The following MEIS2 variants were observed in gnomAD, a reference collection of about 807,000 sequenced individuals.
The protein encoded by MEIS2 is Meis homeobox 2, also known as homeobox protein Meis2.
Under a neutral mutation model 58.6 loss-of-function variants are expected in MEIS2, and 9 were observed. The observed-to-expected ratio is 0.15, with a 90% CI of 0.09 to 0.27. The LOEUF (loss-of-function observed/expected upper bound fraction) is 0.27. Ranked by LOEUF, MEIS2 falls within the 10% of genes least tolerant of loss-of-function variation. MEIS2 has a pLI of 1.00. For missense variants in MEIS2, 427 were observed against 635.0 expected (o/e 0.67, Z 3.52); for synonymous variants, 221 against 228.4 (o/e 0.97, Z 0.29).
intron 8 of MEIS2, among the ~76,000 whole-genome samples, chr15:37,032,399 G>C (rs1484843305): frequency 6.6e-6 from 1 of 152,162 alleles, no homozygotes; most frequent in Non-Finnish European, 1.5e-5. Context: ...ACGTCAGCCT[G>C]GGTATTATTG....
chr15:36,997,238 A>G (rs57052872), intron 8 of MEIS2, among the ~76,000 whole-genome samples: 14,051 of 152,220 alleles, frequency 0.092, 2,179 homozygotes, highest in African/African-American at 0.32. Flanking sequence ...AATGAAACTC[A>G]GCTAATGGCT....
intron 8 of MEIS2, among the ~76,000 whole-genome samples, chr15:36,988,543 C>A (rs952124059): frequency 1.8e-4 from 27 of 152,074 alleles, no homozygotes; most frequent in African/African-American, 6.5e-4. Flanking sequence ...AGATAACAGT[C>A]CTGAGGAAAA....
chr15:37,054,724 T>C (rs2063066208), intron 7 of MEIS2, among the ~76,000 whole-genome samples: 3 of 152,324 alleles, frequency 2.0e-5, no homozygotes, highest in East Asian at 1.9e-4. Context: ...AGCATAACTT[T>C]GTGTGTTTTT....
chr15:37,084,152 A>C (rs1387522723), intron 6 of MEIS2, among the ~76,000 whole-genome samples: 1 of 152,270 alleles, frequency 6.6e-6, no homozygotes, highest in African/African-American at 2.4e-5. Flanking sequence ...TAAATGGGTA[A>C]ATTTTATTAT....
At chr15:37,059,483 T>C (rs1163294762) in intron 7 of MEIS2, among the ~76,000 whole-genome samples, 1 of 152,218 alleles carries the variant, frequency 6.6e-6, no homozygotes, top group African/African-American at 2.4e-5. Flanking sequence ...TGATAATTTC[T>C]GTACAGCTAA....
At chr15:36,911,435 C>T (rs920035083) in intron 9 of MEIS2, among the ~76,000 whole-genome samples, 2 of 151,922 alleles carry the variant, frequency 1.3e-5, no homozygotes, top group African/African-American at 2.4e-5. Context: ...GTTGGAGACA[C>T]ATGCATGTAG....
At chr15:37,026,661 T>C (rs1245401666) in intron 8 of MEIS2, among the ~76,000 whole-genome samples, 1 of 152,062 alleles carries the variant, frequency 6.6e-6, no homozygotes, top group African/African-American at 2.4e-5. Context: ...GGAAACTAAT[T>C]AGTGGCCCAT....
chr15:37,034,152 T>G (rs762931030), intron 8 of MEIS2, among the ~76,000 whole-genome samples: 1 of 152,100 alleles, frequency 6.6e-6, no homozygotes, highest in Non-Finnish European at 1.5e-5. Context: ...GAATGACCCA[T>G]GAGGCTGGGA....
chr15:36,959,546 A>T (rs1419276567), intron 8 of MEIS2, among the ~76,000 whole-genome samples: 5 of 152,192 alleles, frequency 3.3e-5, no homozygotes, highest in Admixed American at 1.3e-4. Context: ...ATACTATTTT[A>T]AAATTACAGA....
intron 8 of MEIS2, among the ~76,000 whole-genome samples, chr15:37,030,901 A>G (rs1164001205): frequency 1.3e-5 from 2 of 152,020 alleles, no homozygotes; most frequent in East Asian, 3.9e-4. Context: ...TCAGCCTCCC[A>G]AAGTGTTGGG....
chr15:36,989,179 A>C (rs1004242482), intron 8 of MEIS2, among the ~76,000 whole-genome samples: 1 of 152,220 alleles, frequency 6.6e-6, no homozygotes, highest in Non-Finnish European at 1.5e-5. Flanking sequence ...ACAAAGAGTC[A>C]TGTTCTTTGA....
At chr15:37,057,075 C>T (rs1438558630) in intron 7 of MEIS2, among the ~76,000 whole-genome samples, 1 of 152,178 alleles carries the variant, frequency 6.6e-6, no homozygotes, top group African/African-American at 2.4e-5. Flanking sequence ...GGAAACTCCC[C>T]GGGTTCCTCA....
At chr15:37,051,407 T>G (rs191419058) in intron 7 of MEIS2, among the ~76,000 whole-genome samples, 14 of 152,156 alleles carry the variant, frequency 9.2e-5, no homozygotes, top group African/African-American at 2.6e-4. Context: ...TTCTAGAAAA[T>G]GCAAACTTAT....
chr15:36,906,666 A>AC (rs1165834892), intron 9 of MEIS2, among the ~76,000 whole-genome samples: 1 of 151,760 alleles, frequency 6.6e-6, no homozygotes, highest in African/African-American at 2.4e-5. Context: ...AAAAAAAAAA[A>AC]AAAAACAAGG....
At chr15:37,099,010 G>A in intron 1 of MEIS2, 3 of 983,316 alleles carry the variant, frequency 3.1e-6, no homozygotes, top group Non-Finnish European at 3.6e-6. Context: ...CGGCAGCGCG[G>A]CCCCAGCGGC....
intron 8 of MEIS2, among the ~76,000 whole-genome samples, chr15:36,994,992 T>C (rs2060424348): frequency 6.6e-6 from 1 of 152,176 alleles, no homozygotes; most frequent in Non-Finnish European, 1.5e-5. Flanking sequence ...TAACTACCTC[T>C]GAACAATTTC....
At chr15:37,041,064 C>G (rs1158235099) in intron 7 of MEIS2, among the ~76,000 whole-genome samples, 1 of 152,212 alleles carries the variant, frequency 6.6e-6, no homozygotes, top group African/African-American at 2.4e-5. Flanking sequence ...TGAGTAACTG[C>G]AATCTGGCCT....
chr15:36,897,700 CG>C lies in MEIS2; in HGVS notation c.978-1015del, dbSNP rs529339780. The C allele has an allele frequency of 5.3e-5, 8 of 152,338 alleles. No individual in the cohort carries two copies. In the South Asian group the frequency reaches 1.7e-3, roughly 32 times the overall value. The allele number at this position is 152,338 out of a possible 1,614,324, so 9.4% of individuals were successfully genotyped here. On this transcript the variant is annotated intron_variant, in intron 9 of 11. Coordinates refer to ENST00000561208, the MANE Select transcript of MEIS2 (RefSeq NM_170675.5). ...CCCCACACATTTGAGCTCATGCACA[CG>C]ATTCACTGACCACGCATTTCGGAGG...
chr15:36,969,612 T>C (rs1379641882), intron 8 of MEIS2, among the ~76,000 whole-genome samples: 2 of 152,250 alleles, frequency 1.3e-5, no homozygotes, highest in African/African-American at 2.4e-5. Context: ...GTAGTGTATA[T>C]GAAAATTAAG....
Sources: gnomAD v4.1 joint callset for allele counts (sites outside exome capture counted in the v4.1 genomes callset) on GRCh38, gnomAD v4.1.1 for gene constraint, MANE v1.5 for transcripts, NCBI Gene and HGNC (gene_info 2026-07-23, HGNC 2026-07-21) for gene names.